Variants in CFAP46 observed in about 807,000 individuals in gnomAD.
The protein encoded by CFAP46 is cilia and flagella associated protein 46.
Under a neutral mutation model 325.7 loss-of-function variants are expected in CFAP46, and 245 were observed. That is an observed-to-expected ratio of 0.75 (90% CI 0.68 to 0.84). The LOEUF (loss-of-function observed/expected upper bound fraction) is 0.84. Among genes scored for constraint, CFAP46 ranks in the 40% least tolerant of loss-of-function variants. The probability of loss-of-function intolerance (pLI) is 0.00; values close to 1 mark genes in which losing one functional copy is unlikely to be tolerated. For synonymous variants in CFAP46, 1,523 were observed against 1,495.9 expected, an observed-to-expected ratio of 1.02 and a Z score of -0.42; for missense variants, 3,346 against 3,543.0, an observed-to-expected ratio of 0.94 and a Z score of 1.41.
In CFAP46 at chr10:132,929,697, C is replaced by T. The variant is rs1849863118; in HGVS notation, c.966+8G>A. ...ATCCCCAGGCAGCAGTGTCATGAAG[C>T]CACTTACTTTGCTTTCCATCTTCTT... On this transcript the variant is annotated splice_region_variant and intron_variant, in intron 9 of 57. Coordinates refer to ENST00000368586, the MANE Select transcript of CFAP46 (RefSeq NM_001200049.3). The T allele has an allele frequency of 1.2e-6, 2 of 1,612,278 alleles. No homozygotes were observed. Among genetic ancestry groups the T allele is most frequent in the Non-Finnish European group, 1.7e-6 (2 of 1,178,366 alleles).
At chr10:132,912,612 T>A in intron 19 of CFAP46, 43 bp downstream of exon 19, 1 of 424,624 alleles carries the variant, frequency 2.4e-6, no homozygotes, top group Non-Finnish European at 3.3e-6. Context: ...CTCCTCTCTC[T>A]CTCTCTCTCT....
At chr10:132,907,195 C>G (rs1849469235) in intron 22 of CFAP46, among the ~76,000 whole-genome samples, 1 of 152,260 alleles carries the variant, frequency 6.6e-6, no homozygotes, top group Admixed American at 6.5e-5. Flanking sequence ...ATCGTTACAG[C>G]CTTTGGGTCA....
chr10:132,916,561 C>T lies in CFAP46; in HGVS notation c.2108G>A (p.Trp703Ter). 1 of 1,548,002 alleles carries T rather than the reference C, an allele frequency of 6.5e-7. No homozygotes were observed. Among genetic ancestry groups the T allele is most frequent in the South Asian group, 1.2e-5 (1 of 83,932 alleles). Residue 703 changes from tryptophan (W) to a stop codon, truncating the protein, a stop_gained, in exon 17 of 58, where the codon TGG (tryptophan) becomes TAG (stop). Coordinates refer to ENST00000368586, the MANE Select transcript of CFAP46 (RefSeq NM_001200049.3). LOFTEE classifies it high-confidence loss of function. The part of the protein sequence containing the change: ...VPEPPEVNAE[W>*]ITYRTWIESL... Reference sequence around the variant, plus strand: ...CGCCTCTGCCCACCTGTATGTGATCCACTCAGCATTCACCTCCGGGGGCTC... The same window carrying T: ...CGCCTCTGCCCACCTGTATGTGATCTACTCAGCATTCACCTCCGGGGGCTC...
rs536828830 is a variant in CFAP46, at chr10:132,820,742, T to C, written c.7118-5828A>G. Among the ~76,000 whole-genome samples, 3 of 132,322 alleles carry C rather than the reference T, an allele frequency of 2.3e-5. No individual in the cohort carries two copies. The East Asian group carries it at 7.2e-4, about 32-fold the overall frequency. The allele number at this position is 132,322 out of a possible 152,430, so 86.8% of individuals were successfully genotyped here. On this transcript the variant is annotated intron_variant, in intron 50 of 57. Coordinates refer to ENST00000368586, the MANE Select transcript of CFAP46 (RefSeq NM_001200049.3). Reference sequence around the variant, plus strand: ...GATGTGTGCTGTGTGTGCACTGATGTGTGCTGTGTGTGCTGATGTGTGCTG... The same window carrying C: ...GATGTGTGCTGTGTGTGCACTGATGCGTGCTGTGTGTGCTGATGTGTGCTG...
At chr10:132,822,174 A>G (rs61721974) in intron 50 of CFAP46, among the ~76,000 whole-genome samples, 2 of 78,444 alleles carry the variant, frequency 2.5e-5, no homozygotes, top group Admixed American at 1.5e-4. Context: ...GTGTGTGCTG[A>G]TGTGTGCTGA....
intron 16 of CFAP46, among the ~76,000 whole-genome samples, chr10:132,917,648 C>A (rs749664046): frequency 1.3e-5 from 2 of 152,232 alleles, no homozygotes; most frequent in African/African-American, 4.8e-5. Context: ...GAGAAATTTA[C>A]ACCCATGCAC....
chr10:132,862,779 G>C (rs574612982), intron 35 of CFAP46, among the ~76,000 whole-genome samples: 1 of 151,462 alleles, frequency 6.6e-6, no homozygotes, highest in Non-Finnish European at 1.5e-5. Flanking sequence ...CGCCGGCCTC[G>C]GGGAGCAGGT....
chr10:132,915,725 G>C (rs576434839), intron 17 of CFAP46, among the ~76,000 whole-genome samples: 1 of 152,346 alleles, frequency 6.6e-6, no homozygotes, highest in African/African-American at 2.4e-5. Context: ...GCATTGCAGG[G>C]ATAAGTTCCC....
At chr10:132,926,537 C>T (rs1296290950) in intron 10 of CFAP46, 31 bp downstream of exon 10, 2 of 1,453,076 alleles carry the variant, frequency 1.4e-6, no homozygotes, top group Non-Finnish European at 1.9e-6. Context: ...CAAAATAATG[C>T]CAGGTGTATG....
At chr10:132,892,310 G>C (rs1258532214) in intron 25 of CFAP46, 23 bp downstream of exon 25, 2 of 1,548,354 alleles carry the variant, frequency 1.3e-6, no homozygotes, top group South Asian at 2.4e-5. Flanking sequence ...GGAGCCTGTG[G>C]GTCTGTCTGT....
intron 44 of CFAP46, among the ~76,000 whole-genome samples, chr10:132,845,642 G>C (rs1299686002): frequency 1.3e-5 from 2 of 152,234 alleles, no homozygotes; most frequent in African/African-American, 4.8e-5. Context: ...TAGCTGTCCT[G>C]CTCCACAGAC....
intron 50 of CFAP46, among the ~76,000 whole-genome samples, chr10:132,824,784 G>A (rs1159097111): frequency 7.6e-6 from 1 of 131,812 alleles, no homozygotes; most frequent in Admixed American, 7.7e-5. Context: ...TGTTGTGTGA[G>A]TGCTGATGTG....
intron 9 of CFAP46, among the ~76,000 whole-genome samples, chr10:132,928,652 G>C (rs151182658): frequency 0.015 from 2,304 of 152,336 alleles, 33 homozygotes; most frequent in Middle Eastern, 0.031. Context: ...CACACAGCAA[G>C]TGCTCAATGA....
At position 132,887,972 on chromosome 10, in the gene CFAP46, G is replaced by A. The variant is rs1197855427; in HGVS notation, c.3305-2013C>T. 2.3e-4 allele frequency among the ~76,000 whole-genome samples: 8 copies of A among 34,590 alleles called. 1 individual carries two copies. The highest frequency in any genetic ancestry group is 6.0e-4 in the East Asian group (1 of 1,654). 22.7% of individuals were successfully genotyped at this position (34,590 alleles called of 152,430 possible). The stretch of plus-strand genomic sequence containing the variant: ...TCTCTCTCCGCTCCTCTCTCTCTCC[G>A]CTCCTCTCTCTCTCCTCTCCCCTCT... On this transcript the variant is annotated intron_variant, in intron 25 of 57. Transcript: ENST00000368586.
At chr10:132,823,666 CTGA>C (rs1378514705) in intron 50 of CFAP46, among the ~76,000 whole-genome samples, 27 of 105,098 alleles carry the variant, frequency 2.6e-4, no homozygotes, top group African/African-American at 8.4e-4. Context: ...GCTGTGTGCG[CTGA>C]TGTGTGCTGT....
intron 49 of CFAP46, among the ~76,000 whole-genome samples, chr10:132,833,795 G>A (rs973081087): frequency 2.0e-5 from 3 of 152,232 alleles, no homozygotes; most frequent in African/African-American, 7.2e-5. Context: ...GCTGTGCTGG[G>A]TTCCGTGGTG....
At chr10:132,917,413 C>G (rs1849657288) in intron 16 of CFAP46, among the ~76,000 whole-genome samples, 1 of 152,238 alleles carries the variant, frequency 6.6e-6, no homozygotes, top group South Asian at 2.1e-4. Flanking sequence ...GGTTTGGATC[C>G]CACTCCGCCA....
At chr10:132,874,075 C>T (rs1341037950) in intron 31 of CFAP46, among the ~76,000 whole-genome samples, 2 of 152,146 alleles carry the variant, frequency 1.3e-5, no homozygotes, top group Admixed American at 1.3e-4. Context: ...ATGAAATAAC[C>T]ACCAATCTTA....
rs758028097 is a variant in CFAP46, at chr10:132,808,837, C to A, written c.7732G>T (p.Ala2578Ser). The stretch of plus-strand genomic sequence containing the variant: ...GCAGCCCATACAGGACCAAGTTGAG[C>A]GTGGTGGGAAGGAGCTCGGAGCTTT... The part of the protein sequence containing the change: ...APKLRAPSHH[A>S]QLGPVWAAAP... The change falls in exon 58 of 58, where the codon GCT (alanine) becomes TCT (serine). Residue 2578 changes from alanine (A) to serine (S), a missense_variant. Ala to Ser is a moderately conservative substitution (Grantham distance 99). Coordinates refer to ENST00000368586, the MANE Select transcript of CFAP46 (RefSeq NM_001200049.3). This position sits in a 1 kb window ranked among gnomAD's most constrained non-coding sequence, Gnocchi z 6.8. The A allele has an allele frequency of 3.1e-6, 5 of 1,605,630 alleles. No homozygotes were observed. The highest frequency in any genetic ancestry group is 3.4e-5 in the Admixed American group (2 of 59,642).
Sources: allele counts gnomAD v4.1 joint callset (sites outside exome capture counted in the v4.1 genomes callset), GRCh38; gene constraint gnomAD v4.1.1; non-coding constraint Gnocchi (gnomAD v3.1); transcripts MANE v1.5; gene names NCBI Gene and HGNC (gene_info 2026-07-23, HGNC 2026-07-21).